Variants in FHIP1A observed in about 807,000 individuals in gnomAD.
FHIP1A encodes the protein FHF complex subunit HOOK-interacting protein 1A.
FHIP1A carries 61 observed loss-of-function variants against 88.6 expected under a neutral mutation model. The ratio of observed to expected loss-of-function variants is 0.69; its 90% CI spans 0.56 to 0.85. FHIP1A has a LOEUF of 0.85. Ranked by LOEUF, FHIP1A falls within the 40% of genes least tolerant of loss-of-function variation. The probability of loss-of-function intolerance (pLI) is 0.00; values close to 1 mark genes in which losing one functional copy is unlikely to be tolerated. For synonymous variants in FHIP1A, 478 were observed against 496.0 expected, an observed-to-expected ratio of 0.96 and a Z score of 0.48; for missense variants, 1,154 against 1,273.5, an observed-to-expected ratio of 0.91 and a Z score of 1.43.
rs900876427 is a variant in FHIP1A, at chr4:151,511,397, C to T, written c.-123+28749C>T. On this transcript the variant is annotated intron_variant, in intron 3 of 13. Transcript: ENST00000435205. Reference sequence around the variant, plus strand: ...ATTTCTGCATTTCCATCTGAGGTACCGGGTTCATCTCACTAGGGAGTGCCA... The same window carrying T: ...ATTTCTGCATTTCCATCTGAGGTACTGGGTTCATCTCACTAGGGAGTGCCA... Among the ~76,000 whole-genome samples, 11 of 152,184 alleles carry T rather than the reference C, an allele frequency of 7.2e-5. 1 individual carries two copies. The highest frequency in any genetic ancestry group is 1.5e-4 in the Non-Finnish European group (10 of 68,044).
intron 2 of FHIP1A, among the ~76,000 whole-genome samples, chr4:151,467,017 G>C (rs1264997500): frequency 1.3e-5 from 2 of 152,182 alleles, no homozygotes; most frequent in African/African-American, 2.4e-5. Flanking sequence ...CGAAGCAAAA[G>C]AAACTAGCAT....
chr4:151,426,612 T>A (rs929507881), intron 1 of FHIP1A, among the ~76,000 whole-genome samples: 1 of 152,180 alleles, frequency 6.6e-6, no homozygotes, highest in African/African-American at 2.4e-5. Flanking sequence ...AAGTAACTTA[T>A]CATAATATCT....
intron 3 of FHIP1A, among the ~76,000 whole-genome samples, chr4:151,521,601 T>C (rs1731447120): frequency 6.6e-6 from 1 of 152,192 alleles, no homozygotes; most frequent in Non-Finnish European, 1.5e-5. Context: ...TGTATAAGAA[T>C]GGGTTATTCG....
intron 3 of FHIP1A, among the ~76,000 whole-genome samples, chr4:151,484,410 G>A (rs1730004696): frequency 1.3e-5 from 2 of 152,214 alleles, no homozygotes; most frequent in African/African-American, 4.8e-5. Flanking sequence ...GACTTTGGGA[G>A]TGGGGTGTGA....
chr4:151,645,547 G>C (rs936440008), intron 9 of FHIP1A, among the ~76,000 whole-genome samples: 3 of 150,890 alleles, frequency 2.0e-5, no homozygotes, highest in African/African-American at 7.3e-5. Context: ...GTTTTTCTCT[G>C]CACGGCTTCT....
Position 151,656,422 on chromosome 4 carries a change from G to C in FHIP1A, c.2730+12G>C. 1 of 1,550,900 alleles carries C rather than the reference G, an allele frequency of 6.4e-7. No individual in the cohort carries two copies. Among genetic ancestry groups the C allele is most frequent in the Non-Finnish European group, 8.7e-7 (1 of 1,146,498 alleles). The stretch of plus-strand genomic sequence containing the variant: ...GCTCTCTCTATCAGGTATGTTAGCT[G>C]AACCCACATCCACACCTGTTGATTT... On this transcript the variant is annotated intron_variant, in intron 12 of 13. Transcript: ENST00000435205. This position sits in a 1 kb window ranked among gnomAD's most constrained non-coding sequence, Gnocchi z 4.2.
intron 3 of FHIP1A, among the ~76,000 whole-genome samples, chr4:151,511,685 A>G: frequency 6.6e-6 from 1 of 152,204 alleles, no homozygotes; most frequent in South Asian, 2.1e-4. Context: ...GCTGATTGCT[A>G]GCACAGCAGT....
rs187020942 is a variant in FHIP1A at position 151,669,684 on chromosome 4, T to C, written c.*6930T>C. The C allele has an allele frequency of 2.6e-5, 4 of 152,304 alleles. No homozygotes were observed. Among genetic ancestry groups the C allele is most frequent in the African/African-American group, 7.2e-5 (3 of 41,558 alleles). 9.4% of individuals were successfully genotyped at this position (152,304 alleles called of 1,614,324 possible). ...GAAAATCATGTTACTTTAGACCCAG[T>C]AGTTTTCAGGACCGCAACAGGATGC... On this transcript the variant is annotated 3_prime_UTR_variant, in exon 14 of 14. Coordinates refer to ENST00000435205, the MANE Select transcript of FHIP1A (RefSeq NM_001109977.3).
At chr4:151,471,803 G>T (rs1040513106) in intron 2 of FHIP1A, among the ~76,000 whole-genome samples, 8 of 152,066 alleles carry the variant, frequency 5.3e-5, no homozygotes, top group Admixed American at 2.6e-4. Flanking sequence ...AAAGTCCGTT[G>T]TGTCATTCTT....
chr4:151,633,929 G>A (rs958166207), intron 8 of FHIP1A, among the ~76,000 whole-genome samples: 2 of 151,840 alleles, frequency 1.3e-5, no homozygotes, highest in African/African-American at 4.8e-5. Context: ...CCTAGCCAGA[G>A]CAATTAGGCA....
rs111228628 is a variant in FHIP1A, at chr4:151,646,262, A to G, written c.1227-296A>G. On this transcript the variant is annotated intron_variant, in intron 9 of 13. Transcript: ENST00000435205. ...CAGAGAAAAGGGGAAAGCACAGGCC[A>G]GGTAAAGGTGACAGTGGGCACAAAG... Among the ~76,000 whole-genome samples, 649 of 152,328 alleles carry G rather than the reference A, an allele frequency of 4.3e-3. 7 individuals carry two copies. Among genetic ancestry groups the G allele is most frequent in the African/African-American group, 0.014 (585 of 41,576 alleles).
intron 3 of FHIP1A, among the ~76,000 whole-genome samples, chr4:151,563,563 T>C (rs1055079078): frequency 1.1e-4 from 17 of 152,228 alleles, no homozygotes; most frequent in African/African-American, 4.1e-4. Context: ...GCCATATTCA[T>C]GACAGACTCA....
chr4:151,547,356 G>C (rs1016716779), intron 3 of FHIP1A, among the ~76,000 whole-genome samples: 1 of 152,158 alleles, frequency 6.6e-6, no homozygotes, highest in African/African-American at 2.4e-5. Flanking sequence ...GAAAGGTAAG[G>C]CTTAAGCTAT....
Position 151,644,962 on chromosome 4 carries a change from C to G in FHIP1A, c.1227-1596C>G, listed in dbSNP as rs146243037. ...TTCTGGTTACCAGAGCATCTCTACT[C>G]ACAGATATCCTTGTGGAAAAGAGCT... On this transcript the variant is annotated intron_variant, in intron 9 of 13. Coordinates refer to ENST00000435205, the MANE Select transcript of FHIP1A (RefSeq NM_001109977.3). Among the ~76,000 whole-genome samples the G allele has an allele frequency of 2.6e-5, 4 of 152,362 alleles. No individual in the cohort carries two copies. The East Asian group carries it at 7.7e-4, about 29-fold the overall frequency.
At chr4:151,537,897 T>G (rs1023412646) in intron 3 of FHIP1A, among the ~76,000 whole-genome samples, 4 of 152,204 alleles carry the variant, frequency 2.6e-5, no homozygotes, top group Non-Finnish European at 5.9e-5. Flanking sequence ...TGCTTCAGAA[T>G]AGGGGCATCT....
chr4:151,475,490 G>A (rs1301445486), intron 2 of FHIP1A, among the ~76,000 whole-genome samples: 1 of 152,136 alleles, frequency 6.6e-6, no homozygotes, highest in Admixed American at 6.5e-5. Context: ...ATGAAGAGGA[G>A]GATGATATAT....
chr4:151,578,011 A>G lies in FHIP1A; in HGVS notation c.667A>G (p.Met223Val), dbSNP rs767498380. 6.4e-7 allele frequency: 1 copy of G among 1,550,734 alleles called. No individual in the cohort carries two copies. Reference sequence around the variant, plus strand: ...AGCTCGGGATGCATTGCTCTTCATCATGTCTCTTTCTGCTGAGAACACCAT... The same window carrying G: ...AGCTCGGGATGCATTGCTCTTCATCGTGTCTCTTTCTGCTGAGAACACCAT... Reference protein sequence around the residue: ...QQARDALLFIMSLSAENTMVA... With the variant: ...QQARDALLFIVSLSAENTMVA... Residue 223 changes from methionine (M) to valine (V), a missense_variant, in exon 5 of 14, where the codon ATG (methionine) becomes GTG (valine). By Grantham distance (21) the Met-to-Val change is conservative. Transcript: ENST00000435205.
chr4:151,603,467 G>A (rs960512459), intron 7 of FHIP1A, among the ~76,000 whole-genome samples: 1 of 152,104 alleles, frequency 6.6e-6, no homozygotes, highest in Non-Finnish European at 1.5e-5. Context: ...CTGACTGGAT[G>A]TTGTCTTTCC....
intron 1 of FHIP1A, among the ~76,000 whole-genome samples, chr4:151,442,486 C>G (rs1243079655): frequency 1.3e-5 from 2 of 152,138 alleles, no homozygotes; most frequent in African/African-American, 4.8e-5. Context: ...TCTTGTTCTT[C>G]CTTTCTCTGC....
Sources: allele counts gnomAD v4.1 joint callset (sites outside exome capture counted in the v4.1 genomes callset), GRCh38; gene constraint gnomAD v4.1.1; non-coding constraint Gnocchi (gnomAD v3.1); transcripts MANE v1.5; gene names NCBI Gene and HGNC (gene_info 2026-07-23, HGNC 2026-07-21).